The following APOO variants were observed in gnomAD, a reference collection of about 807,000 sequenced individuals.
The protein encoded by APOO is apolipoprotein O, also known as MICOS complex subunit MIC26.
APOO carries 11 observed loss-of-function variants against 23.1 expected under a neutral mutation model. That is an observed-to-expected ratio of 0.48 (90% CI 0.30 to 0.79). APOO has a LOEUF of 0.79. APOO is among the 30% of genes least tolerant of loss of function. The pLI, the probability that APOO is intolerant of heterozygous loss-of-function variation, is 0.07. For missense variants in APOO, 160 were observed against 142.7 expected (o/e 1.12, Z -0.62); for synonymous variants, 59 against 54.8 (o/e 1.08, Z -0.34).
chrX:23,904,655 C>T (rs561743024), intron 1 of APOO, among the ~76,000 whole-genome samples: 2 of 109,587 alleles, frequency 1.8e-5, no homozygotes, highest in South Asian at 8.0e-4. Context: ...TACAGGCACC[C>T]GCCAACACAC....
chrX:23,869,640 GAAAAAAA>G (rs761388017), intron 4 of APOO, among the ~76,000 whole-genome samples: 5 of 33,933 alleles, frequency 1.5e-4, no homozygotes, highest in East Asian at 1.9e-3. Flanking sequence ...CTCTTAAAAA[GAAAAAAA>G]AAAAAAAAAA....
At chrX:23,893,671 T>C (rs1236639453) in intron 1 of APOO, among the ~76,000 whole-genome samples, 2 of 110,237 alleles carry the variant, frequency 1.8e-5, no homozygotes, top group Non-Finnish European at 3.8e-5. Flanking sequence ...TGGGTTCAAG[T>C]GATTCTCCAG....
intron 5 of APOO, among the ~76,000 whole-genome samples, chrX:23,862,656 G>A (rs1398988361): frequency 4.8e-5 from 5 of 103,509 alleles, no homozygotes; most frequent in Non-Finnish European, 7.9e-5. Flanking sequence ...GCCTATAGTC[G>A]CAGCTACTCA....
chrX:23,838,357 C>CAAAAAAAAAAAA (rs764414297), intron 8 of APOO, among the ~76,000 whole-genome samples: 1 of 20,063 alleles, frequency 5.0e-5, no homozygotes, highest in Non-Finnish European at 7.1e-5. Flanking sequence ...AACTCTATCT[C>CAAAAAAAAAAAA]AAAAAAAAAA....
intron 5 of APOO, among the ~76,000 whole-genome samples, chrX:23,862,561 A>G (rs1739270577): frequency 9.4e-6 from 1 of 105,946 alleles, no homozygotes; most frequent in Admixed American, 1.0e-4. Flanking sequence ...AGACTGCTTG[A>G]GCTCGGGAGT....
intron 8 of APOO, among the ~76,000 whole-genome samples, chrX:23,836,045 C>T (rs1923650097): frequency 2.7e-5 from 3 of 112,701 alleles, no homozygotes; most frequent in Admixed American, 9.4e-5. Flanking sequence ...CTGGTTCAAA[C>T]GAACCAACTG....
chrX:23,840,848 T>A (rs904979608), intron 7 of APOO: 1 of 111,719 alleles, frequency 9.0e-6, no homozygotes, highest in Non-Finnish European at 1.9e-5. Flanking sequence ...TTATCCACCA[T>A]AGGGGCCAAT....
intron 7 of APOO, among the ~76,000 whole-genome samples, chrX:23,855,183 C>T (rs1924727890): frequency 9.2e-6 from 1 of 108,458 alleles, no homozygotes; most frequent in Non-Finnish European, 1.9e-5. Flanking sequence ...TGCCACCATG[C>T]CCAGCTAAAT....
At chrX:23,836,153 C>T (rs1172258673) in intron 8 of APOO, among the ~76,000 whole-genome samples, 3 of 112,431 alleles carry the variant, frequency 2.7e-5, no homozygotes, top group Non-Finnish European at 3.8e-5. Flanking sequence ...TTCTTTGAGA[C>T]GGAGTCTCTC....
At chrX:23,892,723 G>A (rs1280222788) in intron 1 of APOO, among the ~76,000 whole-genome samples, 1 of 102,975 alleles carries the variant, frequency 9.7e-6, no homozygotes, top group African/African-American at 3.6e-5. Context: ...AGCCAAGATC[G>A]CGCCACTGCA....
intron 6 of APOO, 142 bp downstream of exon 6, chrX:23,858,500 A>T: frequency 2.2e-6 from 1 of 458,001 alleles, no homozygotes; most frequent in Non-Finnish European, 3.5e-6. Context: ...AAAATCATTT[A>T]AATTTTCTGT....
intron 1 of APOO, among the ~76,000 whole-genome samples, chrX:23,893,083 T>C (rs901992675): frequency 9.1e-6 from 1 of 110,207 alleles, no homozygotes; most frequent in African/African-American, 3.3e-5. Flanking sequence ...AAAATCAGGC[T>C]ACACTGTTGT....
chrX:23,902,923 C>A (rs976324233), intron 1 of APOO, among the ~76,000 whole-genome samples: 2 of 111,497 alleles, frequency 1.8e-5, no homozygotes, highest in Non-Finnish European at 3.8e-5. Context: ...AAGGGTCTGG[C>A]CTATCTTTTT....
At chrX:23,845,521 C>A (rs67523382) in intron 7 of APOO, among the ~76,000 whole-genome samples, 1 of 111,721 alleles carries the variant, frequency 9.0e-6, no homozygotes, top group African/African-American at 3.3e-5. Flanking sequence ...CTCCCCCAAT[C>A]CCTGGCAATC....
rs186394932 is a variant in APOO, at chrX:23,904,026, C to T, written c.9+3668G>A. Among the ~76,000 whole-genome samples, 79 of 111,754 alleles carry T rather than the reference C, an allele frequency of 7.1e-4. No homozygotes were observed. The East Asian group carries it at 0.021, about 30-fold the overall frequency. On this transcript the variant is annotated intron_variant, in intron 1 of 8. Coordinates refer to ENST00000379226, the MANE Select transcript of APOO (RefSeq NM_024122.5). Reference sequence around the variant, plus strand: ...CCAACCCAGGTTAATCTACCCTTCACTTCCATCAGTAAACCTAAAGTATAA... The same window carrying T: ...CCAACCCAGGTTAATCTACCCTTCATTTCCATCAGTAAACCTAAAGTATAA...
At chrX:23,889,787 T>G (rs764123685) in intron 1 of APOO, among the ~76,000 whole-genome samples, 1 of 107,624 alleles carries the variant, frequency 9.3e-6, no homozygotes, top group Admixed American at 1.0e-4. Flanking sequence ...CTCAGCCTCC[T>G]GGTAGCTGGG....
chrX:23,862,736 T>C (rs1195145693), intron 5 of APOO, among the ~76,000 whole-genome samples: 2 of 102,561 alleles, frequency 2.0e-5, no homozygotes, highest in African/African-American at 7.2e-5. Flanking sequence ...ATCATGCCAC[T>C]GCACTACAAC....
chrX:23,904,156 G>T (rs1311684651), intron 1 of APOO, among the ~76,000 whole-genome samples: 1 of 111,583 alleles, frequency 9.0e-6, no homozygotes, highest in Non-Finnish European at 1.9e-5. Context: ...GACATTGTTG[G>T]TTGCATATCC....
intron 1 of APOO, among the ~76,000 whole-genome samples, chrX:23,897,742 C>G (rs1926959783): frequency 9.0e-6 from 1 of 111,523 alleles, no homozygotes; most frequent in Non-Finnish European, 1.9e-5. Flanking sequence ...AATCCCAGCA[C>G]TTTGGGAGGC....
Sources: allele counts gnomAD v4.1 joint callset (sites outside exome capture counted in the v4.1 genomes callset), GRCh38; gene constraint gnomAD v4.1.1; transcripts MANE v1.5; gene names NCBI Gene and HGNC (gene_info 2026-07-23, HGNC 2026-07-21).